Variants in GABRB1 observed in about 807,000 individuals in gnomAD.
GABRB1 encodes the protein gamma-aminobutyric acid receptor subunit beta-1.
A neutral mutation model predicts 51.6 loss-of-function variants in GABRB1; 17 were observed. That is an observed-to-expected ratio of 0.33 (90% confidence interval 0.23 to 0.49). The LOEUF is 0.49. Ranked by LOEUF, GABRB1 falls within the 20% of genes least tolerant of loss-of-function variation. The pLI, the probability that GABRB1 is intolerant of heterozygous loss-of-function variation, is 0.99. For synonymous variants in GABRB1, 247 were observed against 218.9 expected (o/e 1.13, Z -1.14); for missense variants, 410 against 600.6 (o/e 0.68, Z 3.32).
chr4:47,079,574 A>G (rs1727732393), intron 3 of GABRB1, among the ~76,000 whole-genome samples: 1 of 152,034 alleles, frequency 6.6e-6, no homozygotes, highest in African/African-American at 2.4e-5. Flanking sequence ...CACTGTTCAC[A>G]ATAGCAAAGA....
At chr4:47,392,103 G>A (rs963435278) in intron 5 of GABRB1, among the ~76,000 whole-genome samples, 32 of 150,662 alleles carry the variant, frequency 2.1e-4, no homozygotes, top group African/African-American at 6.6e-4. Flanking sequence ...AAAAAAAAAC[G>A]CAGAAAGGAG....
At chr4:47,287,323 A>G (rs529699346) in intron 4 of GABRB1, among the ~76,000 whole-genome samples, 15 of 152,176 alleles carry the variant, frequency 9.9e-5, no homozygotes, top group East Asian at 3.8e-4. Context: ...TTTCTGTTCT[A>G]TGGTGCTATG....
chr4:47,385,396 C>T lies in GABRB1; in HGVS notation c.545-17922C>T, dbSNP rs1015202578. ...ACAGTCACAATTTATTTTCATTTCT[C>T]ACCTGAGATTATTTTAAGAAGGGAG... On this transcript the variant is annotated intron_variant, in intron 5 of 8. Transcript: ENST00000295454. Among the ~76,000 whole-genome samples the T allele has an allele frequency of 2.0e-5, 3 of 152,138 alleles. No individual in the cohort carries two copies. In the East Asian group the frequency reaches 5.8e-4, roughly 29 times the overall value.
chr4:47,257,237 G>A (rs1205691682), intron 4 of GABRB1, among the ~76,000 whole-genome samples: 2 of 152,070 alleles, frequency 1.3e-5, no homozygotes, highest in Non-Finnish European at 2.9e-5. Context: ...TTCCTTCCTG[G>A]TTCCAGGGAC....
intron 4 of GABRB1, among the ~76,000 whole-genome samples, chr4:47,193,125 TTTGTTGTTGTTG>T (rs140155461): frequency 1.3e-5 from 2 of 151,820 alleles, no homozygotes; most frequent in African/African-American, 4.8e-5. Context: ...ATATGTGTTT[TTTGTTGTTGTTG>T]TTGTTGTTGT....
chr4:47,166,432 G>A (rs1577967188), intron 4 of GABRB1, among the ~76,000 whole-genome samples: 2 of 151,924 alleles, frequency 1.3e-5, no homozygotes, highest in East Asian at 3.9e-4. Context: ...AGACCTTAAT[G>A]ATGATCCATT....
At chr4:47,105,246 T>C (rs2109615606) in intron 3 of GABRB1, among the ~76,000 whole-genome samples, 1 of 152,240 alleles carries the variant, frequency 6.6e-6, no homozygotes, top group African/African-American at 2.4e-5. Flanking sequence ...CAATGATTAC[T>C]CCATCATCGG....
chr4:47,298,014 G>C (rs1724079607), intron 4 of GABRB1, among the ~76,000 whole-genome samples: 1 of 152,162 alleles, frequency 6.6e-6, no homozygotes, highest in South Asian at 2.1e-4. Context: ...AATAGATGCA[G>C]AAAAGGCCTT....
At chr4:47,022,005 T>C (rs1263599223) in intron 1 of GABRB1, among the ~76,000 whole-genome samples, 1 of 152,122 alleles carries the variant, frequency 6.6e-6, no homozygotes, top group Non-Finnish European at 1.5e-5. Context: ...CTTCTTTCTG[T>C]TTCATCAAAA....
intron 3 of GABRB1, among the ~76,000 whole-genome samples, chr4:47,119,291 C>A (rs1715644012): frequency 6.6e-6 from 1 of 151,800 alleles, no homozygotes; most frequent in South Asian, 2.1e-4. Flanking sequence ...TTCAGATATA[C>A]ATAAAACCCA....
intron 4 of GABRB1, among the ~76,000 whole-genome samples, chr4:47,257,902 C>T (rs1722277549): frequency 1.3e-5 from 2 of 151,672 alleles, no homozygotes; most frequent in African/African-American, 4.8e-5. Flanking sequence ...CCACTGCCTC[C>T]CCCTTTCATC....
chr4:47,129,166 G>A (rs1716299448), intron 3 of GABRB1, among the ~76,000 whole-genome samples: 1 of 152,016 alleles, frequency 6.6e-6, no homozygotes, highest in Non-Finnish European at 1.5e-5. Flanking sequence ...AATTAAAGGT[G>A]GAATATCTCC....
chr4:47,361,645 G>A (rs1394682108), intron 5 of GABRB1, among the ~76,000 whole-genome samples: 2 of 152,116 alleles, frequency 1.3e-5, no homozygotes, highest in African/African-American at 2.4e-5. Context: ...GACAAAAATG[G>A]TTATGGCAGT....
intron 5 of GABRB1, among the ~76,000 whole-genome samples, chr4:47,361,299 T>A (rs186527954): frequency 3.9e-5 from 6 of 152,268 alleles, no homozygotes; most frequent in Admixed American, 3.9e-4. Context: ...TCTCATGGAC[T>A]AATAGTAAAC....
At chr4:47,245,045 G>C (rs1365112763) in intron 4 of GABRB1, among the ~76,000 whole-genome samples, 1 of 152,082 alleles carries the variant, frequency 6.6e-6, no homozygotes, top group Non-Finnish European at 1.5e-5. Flanking sequence ...CAAAAAATCC[G>C]TGAATCCAGG....
At chr4:47,222,210 C>T (rs937812229) in intron 4 of GABRB1, among the ~76,000 whole-genome samples, 1 of 152,086 alleles carries the variant, frequency 6.6e-6, no homozygotes, top group African/African-American at 2.4e-5. Flanking sequence ...CAGTGACTGA[C>T]CACAAAAGCA....
chr4:47,300,174 A>G (rs1263362972), intron 4 of GABRB1, among the ~76,000 whole-genome samples: 4 of 152,050 alleles, frequency 2.6e-5, no homozygotes, highest in Non-Finnish European at 5.9e-5. Flanking sequence ...ACACTAGCAC[A>G]GCACATGTAT....
At chr4:47,252,962 A>C (rs542829591) in intron 4 of GABRB1, among the ~76,000 whole-genome samples, 1 of 152,352 alleles carries the variant, frequency 6.6e-6, no homozygotes, top group African/African-American at 2.4e-5. Context: ...TACTTACCAC[A>C]TACAAGACAC....
intron 2 of GABRB1, 117 bp from the exon 3 acceptor site, chr4:47,032,300 G>T: frequency 2.1e-6 from 2 of 957,448 alleles, no homozygotes; most frequent in South Asian, 3.1e-5. Context: ...AGGGGTGGTG[G>T]GGGGAGCAGG....
Sources: gnomAD v4.1 joint callset for allele counts (sites outside exome capture counted in the v4.1 genomes callset) on GRCh38, gnomAD v4.1.1 for gene constraint, MANE v1.5 for transcripts, NCBI Gene and HGNC (gene_info 2026-07-23, HGNC 2026-07-21) for gene names.